ANKDD1A: variants seen among roughly 807,000 people sequenced by gnomAD.
The protein encoded by ANKDD1A is ankyrin repeat and death domain-containing protein 1A.
A neutral mutation model predicts 63.5 loss-of-function variants in ANKDD1A; 59 were observed. The ratio of observed to expected loss-of-function variants is 0.93; its 90% CI spans 0.75 to 1.15. The LOEUF (loss-of-function observed/expected upper bound fraction) is 1.15, where lower values mean the gene tolerates loss of function less well. Ranked by LOEUF, ANKDD1A falls within the 50% of genes most tolerant of loss-of-function variation. The pLI, the probability that ANKDD1A is intolerant of heterozygous loss-of-function variation, is 0.00. For missense variants in ANKDD1A, 632 were observed against 656.4 expected (o/e 0.96, Z 0.41); for synonymous variants, 266 against 263.9 (o/e 1.01, Z -0.08).
At position 64,951,438 on chromosome 15, in the gene ANKDD1A, T is replaced by A. The variant is rs2085274083; in HGVS notation, c.1483+1466T>A. The A allele has an allele frequency of 2.3e-5, 3 of 127,680 alleles. No individual in the cohort carries two copies. In the South Asian group the frequency reaches 8.9e-4, roughly 38 times the overall value. 7.9% of individuals were successfully genotyped at this position (127,680 alleles called of 1,614,324 possible). A position where few individuals can be genotyped will look rare whatever the true frequency, so the allele number is the denominator to read the frequency against. On this transcript the variant is annotated intron_variant, in intron 14 of 14. Transcript: ENST00000319580. ...TTTCTTCCTCTTTTCTTCTTTTTCT[T>A]TCTTCTTCCCTTTCTTTTCTTTTCT... is the stretch of plus-strand genomic sequence containing the variant.
rs752892501 is a variant in ANKDD1A, at chr15:64,921,944, G to A, written c.291G>A (p.Leu97=). The change falls in exon 4 of 15, where the codon CTG becomes CTA. Residue 97 remains leucine, a synonymous_variant. Transcript: ENST00000319580. ...RLCFGMNALL[L]SAWFGHLRIL... The stretch of plus-strand genomic sequence containing the variant: ...AGTTTGGGATGAATGCGCTTCTCCT[G>A]TCTGCCTGGTTCGGCCACTTACGAA... 8 of 1,614,018 alleles carry A rather than the reference G, an allele frequency of 5.0e-6. No homozygotes were observed. The East Asian group carries it at 1.6e-4, about 31-fold the overall frequency.
intron 9 of ANKDD1A, among the ~76,000 whole-genome samples, chr15:64,936,673 C>CTACTAAAAG (rs1389696499): frequency 6.6e-6 from 1 of 151,852 alleles, no homozygotes; most frequent in East Asian, 1.9e-4. Flanking sequence ...ACCCCCGTAT[C>CTACTAAAAG]TACAAAAAAT....
rs945117514 is a variant in ANKDD1A at position 64,934,239 on chromosome 15, G to A, written c.867+5G>A. On this transcript the variant is annotated splice_donor_5th_base_variant and intron_variant, in intron 9 of 14. Coordinates refer to ENST00000319580, the MANE Select transcript of ANKDD1A (RefSeq NM_182703.6). Reference sequence around the variant, plus strand: ...TGCGCCAACGTGGTTGATCATGTAAGTATGGTGCGAGTGTTGAAGGGGGTC... The same window carrying A: ...TGCGCCAACGTGGTTGATCATGTAAATATGGTGCGAGTGTTGAAGGGGGTC... The A allele has an allele frequency of 1.9e-6, 3 of 1,610,092 alleles. No individual in the cohort carries two copies. The highest frequency in any genetic ancestry group is 4.5e-5 in the East Asian group (2 of 44,784).
intron 9 of ANKDD1A, 79 bp from the exon 10 acceptor site, chr15:64,942,388 C>T: frequency 8.8e-7 from 1 of 1,141,712 alleles, no homozygotes; most frequent in Non-Finnish European, 1.2e-6. Flanking sequence ...CTCTTCCCTC[C>T]TCCTGTCCCC....
Position 64,926,887 on chromosome 15 carries a change from C to T in ANKDD1A, c.472-14C>T, listed in dbSNP as rs756683458. On this transcript the variant is annotated splice_polypyrimidine_tract_variant and intron_variant, in intron 5 of 14. Transcript: ENST00000319580. Reference sequence around the variant, plus strand: ...AGAGTGAGGAAGGCTCACACCGCTTCTCCTCCCGGCCAGCTGGGGAGGACG... The same window carrying T: ...AGAGTGAGGAAGGCTCACACCGCTTTTCCTCCCGGCCAGCTGGGGAGGACG... The T allele has an allele frequency of 9.3e-6, 15 of 1,613,646 alleles. No individual in the cohort carries two copies. In the East Asian group the frequency reaches 3.3e-4, roughly 36 times the overall value.
intron 14 of ANKDD1A, chr15:64,950,338 G>A (rs1019988532): frequency 5.2e-5 from 51 of 985,184 alleles, no homozygotes; most frequent in Non-Finnish European, 5.7e-5. Flanking sequence ...TAAGACATAG[G>A]AGCCAAAACT....
intron 12 of ANKDD1A, among the ~76,000 whole-genome samples, 171 bp downstream of exon 12, chr15:64,944,918 G>A (rs527963255): frequency 6.6e-6 from 1 of 152,306 alleles, no homozygotes; most frequent in East Asian, 1.9e-4. Flanking sequence ...ATCTGGTGAA[G>A]GGCAAGTGTC....
chr15:64,934,282 C>G, intron 9 of ANKDD1A, 48 bp downstream of exon 9: 1 of 1,538,808 alleles, frequency 6.5e-7, no homozygotes, highest in Non-Finnish European at 8.9e-7. Context: ...CAAAGCCTTC[C>G]ATGAGCACAC....
chr15:64,928,314 G>A (rs1366724996), intron 6 of ANKDD1A, among the ~76,000 whole-genome samples: 1 of 152,250 alleles, frequency 6.6e-6, no homozygotes, highest in Non-Finnish European at 1.5e-5. Context: ...ACTGGGCCAG[G>A]AACTAGGCAT....
chr15:64,954,029 C>T (rs1400009787), intron 14 of ANKDD1A, among the ~76,000 whole-genome samples: 7,389 of 91,000 alleles, frequency 0.081, 603 homozygotes, highest in East Asian at 0.24. Context: ...CTCTTCTTTT[C>T]TTTCTTCTTC....
In ANKDD1A at chr15:64,945,735, C is replaced by T. The variant is rs188643923; in HGVS notation, c.1161+988C>T. On this transcript the variant is annotated intron_variant, in intron 12 of 14. Transcript: ENST00000319580. ...GCAACCTCTGCCTACTGGGTTCAAG[C>T]GATTCTCCTGTCTTAGCCTCCCAAG... Among the ~76,000 whole-genome samples the T allele has an allele frequency of 5.4e-5, 8 of 149,270 alleles. No homozygotes were observed. In the East Asian group the frequency reaches 1.0e-3, roughly 19 times the overall value.
intron 14 of ANKDD1A, among the ~76,000 whole-genome samples, chr15:64,952,645 CCTTCTCCTTCTT>C (rs1566749303): frequency 8.5e-6 from 1 of 118,072 alleles, no homozygotes; most frequent in Non-Finnish European, 1.8e-5. Context: ...TTCTTCTTCT[CCTTCTCCTTCTT>C]CTTCCCCTTC....
In ANKDD1A at chr15:64,911,923, G is replaced by A; in HGVS notation, c.-8G>A. On this transcript the variant is annotated 5_prime_UTR_variant, in exon 1 of 15. Coordinates refer to ENST00000319580, the MANE Select transcript of ANKDD1A (RefSeq NM_182703.6). ...CACCAGCGCGCGCAGGGGCTGCGGA[G>A]CGGCAGGATGCAGGAGGAGCTGGCG... 8.0e-7 allele frequency: 1 copy of A among 1,248,344 alleles called. No homozygotes were observed. The highest frequency in any genetic ancestry group is 1.0e-6 in the Non-Finnish European group (1 of 991,934). 77.3% of individuals were successfully genotyped at this position (1,248,344 alleles called of 1,614,324 possible).
intron 1 of ANKDD1A, among the ~76,000 whole-genome samples, chr15:64,914,741 C>T (rs886422376): frequency 7.9e-5 from 12 of 152,184 alleles, no homozygotes; most frequent in Non-Finnish European, 1.3e-4. Flanking sequence ...AATCAAGAGC[C>T]GTCAGGATGA....
chr15:64,940,966 C>G (rs1396934683), intron 9 of ANKDD1A, among the ~76,000 whole-genome samples: 1 of 152,166 alleles, frequency 6.6e-6, no homozygotes, highest in Non-Finnish European at 1.5e-5. Context: ...TGATCTCGAA[C>G]TCCTGGGCTC....
In ANKDD1A at chr15:64,921,991, C is replaced by G; in HGVS notation, c.338C>G (p.Ser113Ter). The change falls in exon 4 of 15, where the codon TCA becomes TGA. Residue 113 changes from serine to a stop codon, truncating the protein, a stop_gained. Coordinates refer to ENST00000319580, the MANE Select transcript of ANKDD1A (RefSeq NM_182703.6). LOFTEE classifies it high-confidence loss of function. Reference protein sequence around the residue: ...HLRILQILVNSGAKIHCESKD... With the variant: ...HLRILQILVN ...CGAATCCTCCAGATCTTGGTAAACT[C>G]AGGGGCCAAGATCCACTGTGAGAGC... 1.2e-6 allele frequency: 2 copies of G among 1,614,206 alleles called. No homozygotes were observed. The highest frequency in any genetic ancestry group is 1.7e-6 in the Non-Finnish European group (2 of 1,180,030).
chr15:64,936,435 CTATT>C (rs774944293), intron 9 of ANKDD1A, among the ~76,000 whole-genome samples: 13 of 152,112 alleles, frequency 8.5e-5, no homozygotes, highest in South Asian at 2.1e-4. Context: ...TTTTTGCTGC[CTATT>C]TATTTATTTA....
chr15:64,951,215 C>T, intron 14 of ANKDD1A: 1 of 994,790 alleles, frequency 1.0e-6, no homozygotes, highest in Non-Finnish European at 1.2e-6. Context: ...GTCCAAGGGC[C>T]TGTAATCCCG....
intron 14 of ANKDD1A, among the ~76,000 whole-genome samples, chr15:64,953,663 T>TTTTCCTTCTTCCTTTTCC (rs1555397895): frequency 1.5e-5 from 2 of 135,454 alleles, no homozygotes; most frequent in Admixed American, 7.7e-5. Flanking sequence ...CTTCTTTTCT[T>TTTTCCTTCTTCCTTTTCC]TCTTCTCCTT....
Sources: gnomAD v4.1 joint callset for allele counts (sites outside exome capture counted in the v4.1 genomes callset) on GRCh38, gnomAD v4.1.1 for gene constraint, MANE v1.5 for transcripts, NCBI Gene and HGNC (gene_info 2026-07-23, HGNC 2026-07-21) for gene names.